Variants in CDK2 observed in about 807,000 individuals in gnomAD.
CDK2 encodes the protein cyclin dependent kinase 2, also known as cyclin-dependent kinase 2.
A neutral mutation model predicts 35.0 loss-of-function variants in CDK2; 8 were observed. The ratio of observed to expected loss-of-function variants is 0.23; its 90% CI spans 0.13 to 0.41. CDK2 has a LOEUF of 0.41. Ranked by LOEUF, CDK2 falls within the 10% of genes least tolerant of loss-of-function variation. The probability of loss-of-function intolerance (pLI) is 1.00; values close to 1 mark genes in which losing one functional copy is unlikely to be tolerated. For missense variants in CDK2, 201 were observed against 367.1 expected, an observed-to-expected ratio of 0.55 and a Z score of 3.70; for synonymous variants, 134 against 137.7, an observed-to-expected ratio of 0.97 and a Z score of 0.19.
At chr12:55,970,586 A>G (rs1218247637) in intron 5 of CDK2, 2 of 701,376 alleles carry the variant, frequency 2.9e-6, no homozygotes, top group South Asian at 1.5e-5. Flanking sequence ...TCATCAAAAA[A>G]TATTTGTTAA....
rs746192493 is a variant in CDK2 at position 55,971,021 on chromosome 12, AT to A, written c.589-20del. 3 of 1,600,666 alleles carry A rather than the reference AT, an allele frequency of 1.9e-6. No homozygotes were observed. The East Asian group carries it at 6.7e-5, about 36-fold the overall frequency. ...GACTGACGTCAACGTGGGTCTTGGT[AT>A]TTCCTCTTTCCCCATTTTCAGGTGA... On this transcript the variant is annotated intron_variant, in intron 5 of 6. Transcript: ENST00000266970.
In CDK2 at chr12:55,966,919, C is replaced by G; in HGVS notation, c.-90C>G. 9.0e-7 allele frequency: 1 copy of G among 1,110,630 alleles called. No individual in the cohort carries two copies. The highest frequency in any genetic ancestry group is 1.3e-6 in the Non-Finnish European group (1 of 757,462). The allele number at this position is 1,110,630 out of a possible 1,614,324, so 68.8% of individuals were successfully genotyped here. The stretch of plus-strand genomic sequence containing the variant: ...CCACGGTACTGGGCCCTGTTTCCCC[C>G]TCCTCGGCCCCCGAGAGCCAGGGTC... On this transcript the variant is annotated 5_prime_UTR_variant, in exon 1 of 7. Transcript: ENST00000266970.
chr12:55,969,675 A>T (rs1317283644), intron 5 of CDK2, 99 bp downstream of exon 5: 6 of 593,546 alleles, frequency 1.0e-5, no homozygotes, highest in Non-Finnish European at 1.5e-5. Flanking sequence ...TGGCCCTTCT[A>T]TCACAGGGTT....
At chr12:55,968,640 C>T (rs1230243161) in intron 3 of CDK2, 138 bp from the exon 4 acceptor site, 1 of 632,976 alleles carries the variant, frequency 1.6e-6, no homozygotes, top group East Asian at 2.8e-5. Flanking sequence ...GGCTGACAGT[C>T]CATTGGGAGA....
chr12:55,969,569 C>A lies in CDK2; in HGVS notation c.581C>A (p.Ala194Asp). The A allele has an allele frequency of 1.2e-6, 2 of 1,600,770 alleles. No individual in the cohort carries two copies. The highest frequency in any genetic ancestry group is 8.5e-7 in the Non-Finnish European group (1 of 1,171,162). The change falls in exon 5 of 7, where the codon GCT becomes GAT. Residue 194 changes from alanine (A) to aspartate (D), a missense_variant. Transcript: ENST00000266970. ...VDIWSLGCIF[A>D]EMVTRRALFP... ...ATCTGGAGCCTGGGCTGCATCTTTGCTGAGATGGTATGGAGGCTTGCCCAA... is the reference window on the plus strand; with the variant it reads ...ATCTGGAGCCTGGGCTGCATCTTTGATGAGATGGTATGGAGGCTTGCCCAA...
chr12:55,969,766 C>G (rs1889426945), intron 5 of CDK2, 190 bp downstream of exon 5: 1 of 417,550 alleles, frequency 2.4e-6, no homozygotes, highest in African/African-American at 2.0e-5. Flanking sequence ...GTTAGGATAT[C>G]CTCAAACAGC....
Position 55,966,871 on chromosome 12 carries a change from C to G in CDK2, c.-138C>G. ...CAAATTGACAAGAGCGAGAGGTATACTGCGTTCCATCCCGACCCGGGGCCA... is the reference window on the plus strand; with the variant it reads ...CAAATTGACAAGAGCGAGAGGTATAGTGCGTTCCATCCCGACCCGGGGCCA... On this transcript the variant is annotated 5_prime_UTR_variant, in exon 1 of 7. Transcript: ENST00000266970. 1.1e-6 allele frequency: 1 copy of G among 874,720 alleles called. No homozygotes were observed. Among genetic ancestry groups the G allele is most frequent in the East Asian group, 2.7e-5 (1 of 37,684 alleles). 54.2% of individuals were successfully genotyped at this position (874,720 alleles called of 1,614,324 possible).
Position 55,968,163 on chromosome 12 carries a change from C to A in CDK2, c.309C>A (p.Leu103=). Residue 103 remains leucine, a synonymous_variant, in exon 3 of 7, where the codon CTC becomes CTA. Coordinates refer to ENST00000266970, the MANE Select transcript of CDK2 (RefSeq NM_001798.5). ...CTCTCACTGGCATTCCTCTTCCCCTCATCAAGGTAATGCTTCTCATCAGCT... is the reference window on the plus strand; with the variant it reads ...CTCTCACTGGCATTCCTCTTCCCCTAATCAAGGTAATGCTTCTCATCAGCT... ...ASALTGIPLP[L]IKSYLFQLLQ... The A allele has an allele frequency of 6.2e-7, 1 of 1,614,166 alleles. No individual in the cohort carries two copies. Among genetic ancestry groups the A allele is most frequent in the Middle Eastern group, 1.7e-4 (1 of 6,060 alleles).
rs1889460602 is a variant in CDK2, at chr12:55,971,075, C to CT, written c.621dup (p.Glu208Ter). ...CGCCGGGCCCTATTCCCTGGAGATT[C>CT]TGAGATTGACCAGCTCTTCCGGATC... On this transcript the variant is annotated frameshift_variant, in exon 6 of 7. Transcript: ENST00000266970. LOFTEE classifies it high-confidence loss of function. 1 of 1,614,014 alleles carries CT rather than the reference C, an allele frequency of 6.2e-7. No homozygotes were observed. Among genetic ancestry groups the CT allele is most frequent in the Admixed American group, 1.7e-5 (1 of 59,992 alleles).
In CDK2 at chr12:55,969,543, C is replaced by T; in HGVS notation, c.555C>T (p.Asp185=). Residue 185 remains aspartate, a synonymous_variant, in exon 5 of 7, where the codon GAC becomes GAT. Coordinates refer to ENST00000266970, the MANE Select transcript of CDK2 (RefSeq NM_001798.5). ...GCAAATATTATTCCACAGCTGTGGACATCTGGAGCCTGGGCTGCATCTTTG... is the reference window on the plus strand; with the variant it reads ...GCAAATATTATTCCACAGCTGTGGATATCTGGAGCCTGGGCTGCATCTTTG... The part of the protein sequence containing the change: ...LGCKYYSTAV[D]IWSLGCIFAE... The T allele has an allele frequency of 6.2e-7, 1 of 1,609,080 alleles. No individual in the cohort carries two copies. The highest frequency in any genetic ancestry group is 8.5e-7 in the Non-Finnish European group (1 of 1,177,342).
rs748676179 is a variant in CDK2 at position 55,971,235 on chromosome 12, G to A, written c.780G>A (p.Arg260=). ...TACCTCCCCTGGATGAAGATGGACGGAGCTTGTTATCGGTGAGAGTGGGCA... is the reference window on the plus strand; with the variant it reads ...TACCTCCCCTGGATGAAGATGGACGAAGCTTGTTATCGGTGAGAGTGGGCA... ...KVVPPLDEDG[R]SLLSQMLHYD... The change falls in exon 6 of 7, where the codon CGG becomes CGA. Residue 260 remains arginine, a synonymous_variant. Transcript: ENST00000266970. The A allele has an allele frequency of 6.2e-7, 1 of 1,614,080 alleles. No homozygotes were observed. Among genetic ancestry groups the A allele is most frequent in the South Asian group, 1.1e-5 (1 of 91,076 alleles).
chr12:55,971,476 G>A (rs751396054), intron 6 of CDK2, 45 bp from the exon 7 acceptor site: 2 of 1,422,828 alleles, frequency 1.4e-6, no homozygotes, highest in South Asian at 1.1e-5. Flanking sequence ...TGCCCATTTA[G>A]TCCACTATCA....
intron 5 of CDK2, 153 bp from the exon 6 acceptor site, chr12:55,970,891 C>CA (rs1196948664): frequency 1.3e-6 from 1 of 757,108 alleles, no homozygotes; most frequent in Non-Finnish European, 2.4e-6. Context: ...TTCATTGTCT[C>CA]AGGTTCTGTG....
At position 55,967,896 on chromosome 12, in the gene CDK2, C is replaced by G; in HGVS notation, c.156C>G (p.Ile52Met). The stretch of plus-strand genomic sequence containing the variant: ...TGCCCAGTACTGCCATCCGAGAGAT[C>G]TCTCTGCTTAAGGAGCTTAACCATC... The part of the protein sequence containing the change: ...EGVPSTAIRE[I>M]SLLKELNHPN... Residue 52 changes from isoleucine (I) to methionine (M), a missense_variant, in exon 2 of 7, where the codon ATC becomes ATG. Physicochemically the swap from Ile to Met is conservative, Grantham distance 10 (BLOSUM62 1). Coordinates refer to ENST00000266970, the MANE Select transcript of CDK2 (RefSeq NM_001798.5). 6.2e-7 allele frequency: 1 copy of G among 1,614,102 alleles called. No homozygotes were observed. The highest frequency in any genetic ancestry group is 8.5e-7 in the Non-Finnish European group (1 of 1,179,982).
In CDK2 at chr12:55,970,288, C is replaced by CAAAA. The variant is rs60371110; in HGVS notation, c.589-730_589-727dup. 1.3e-3 allele frequency among the ~76,000 whole-genome samples: 28 copies of CAAAA among 21,870 alleles called. 1 individual carries two copies. The highest frequency in any genetic ancestry group is 3.4e-3 in the South Asian group (1 of 292). 14.3% of individuals were successfully genotyped at this position (21,870 alleles called of 152,430 possible). ...TGGGCGACAGAATGAGATTCCATCT[C>CAAAA]AAAAAAAAAAAAAAAAAAAAAAAAA... On this transcript the variant is annotated intron_variant, in intron 5 of 6. Transcript: ENST00000266970.
intron 5 of CDK2, 143 bp downstream of exon 5, chr12:55,969,719 G>A (rs1221126883): frequency 1.6e-5 from 8 of 492,788 alleles, no homozygotes; most frequent in Admixed American, 1.6e-4. Context: ...GGAATGGTGG[G>A]AAAGGATGCA....
intron 3 of CDK2, 59 bp downstream of exon 3, chr12:55,968,228 C>T: frequency 6.3e-7 from 1 of 1,596,032 alleles, no homozygotes; most frequent in Middle Eastern, 1.7e-4. Context: ...TGGTGGCAGG[C>T]AATTCAGGGT....
At position 55,966,851 on chromosome 12, in the gene CDK2, T is replaced by A. The variant is rs1269899492; in HGVS notation, c.-158T>A. 1.2e-6 allele frequency: 1 copy of A among 837,604 alleles called. No individual in the cohort carries two copies. Among genetic ancestry groups the A allele is most frequent in the South Asian group, 2.0e-5 (1 of 50,870 alleles). 51.9% of individuals were successfully genotyped at this position (837,604 alleles called of 1,614,324 possible). On this transcript the variant is annotated 5_prime_UTR_variant, in exon 1 of 7. Coordinates refer to ENST00000266970, the MANE Select transcript of CDK2 (RefSeq NM_001798.5). Reference sequence around the variant, plus strand: ...CAACATTGTTTCAAGTTGGCCAAATTGACAAGAGCGAGAGGTATACTGCGT... The same window carrying A: ...CAACATTGTTTCAAGTTGGCCAAATAGACAAGAGCGAGAGGTATACTGCGT...
Position 55,967,144 on chromosome 12 carries a change from G to C in CDK2, c.116+20G>C. The C allele has an allele frequency of 6.4e-7, 1 of 1,564,056 alleles. No homozygotes were observed. The highest frequency in any genetic ancestry group is 8.8e-7 in the Non-Finnish European group (1 of 1,140,542). ...GGACACGTGAGTGGCCTCTGTACCCGGGACTCCTAACTGGGGACCTCCTTG... is the reference window on the plus strand; with the variant it reads ...GGACACGTGAGTGGCCTCTGTACCCCGGACTCCTAACTGGGGACCTCCTTG... On this transcript the variant is annotated intron_variant, in intron 1 of 6. Transcript: ENST00000266970.
Sources: gnomAD v4.1 joint callset for allele counts (sites outside exome capture counted in the v4.1 genomes callset) on GRCh38, gnomAD v4.1.1 for gene constraint, MANE v1.5 for transcripts, NCBI Gene and HGNC (gene_info 2026-07-23, HGNC 2026-07-21) for gene names.